The following ANKRD62 variants were observed in gnomAD, a reference collection of about 807,000 sequenced individuals.
The protein encoded by ANKRD62 is ankyrin repeat domain 62.
Under a neutral mutation model 98.8 loss-of-function variants are expected in ANKRD62, and 61 were observed. That is an observed-to-expected ratio of 0.62 (90% CI 0.50 to 0.76). The LOEUF (loss-of-function observed/expected upper bound fraction) is 0.76, where lower values mean the gene tolerates loss of function less well. Among genes scored for constraint, ANKRD62 ranks in the 30% least tolerant of loss-of-function variants. ANKRD62 has a pLI of 0.00. For missense variants in ANKRD62, 933 were observed against 1,082.9 expected, an observed-to-expected ratio of 0.86 and a Z score of 1.94; for synonymous variants, 341 against 367.9, an observed-to-expected ratio of 0.93 and a Z score of 0.84.
chr18:12,154,029 C>T, the ANKRD62 span, among the ~76,000 whole-genome samples: 1 of 152,096 alleles, frequency 6.6e-6, no homozygotes, highest in Admixed American at 6.5e-5. Context: ...GCAATACCAT[C>T]CCAGACATTG....
intron 6 of ANKRD62, among the ~76,000 whole-genome samples, chr18:12,101,018 A>G (rs1023035659): frequency 2.6e-5 from 4 of 152,206 alleles, no homozygotes; most frequent in African/African-American, 9.6e-5. Context: ...AAATACATGT[A>G]GGATAATGGT....
the ANKRD62 span, among the ~76,000 whole-genome samples, chr18:12,158,938 A>G: frequency 6.6e-6 from 1 of 152,122 alleles, no homozygotes; most frequent in African/African-American, 2.4e-5. Context: ...ATGATTTTAA[A>G]GGTAATAAGT....
At position 12,099,657 on chromosome 18, in the gene ANKRD62, T is replaced by C; in HGVS notation, c.795T>C (p.Cys265=). ...CTGAATATAAAGCAAACAAGAGATG[T>C]AAAAGTCTTCAAAATAGCAATTCAG... The part of the protein sequence containing the change: ...MISEYKANKR[C]KSLQNSNSEQ... Residue 265 remains cysteine, a synonymous_variant, in exon 6 of 14, where the codon TGT becomes TGC. Transcript: ENST00000587848. The C allele has an allele frequency of 6.7e-7, 1 of 1,493,766 alleles. No homozygotes were observed. The highest frequency in any genetic ancestry group is 8.9e-7 in the Non-Finnish European group (1 of 1,122,818). The allele number at this position is 1,493,766 out of a possible 1,614,324, so 92.5% of individuals were successfully genotyped here.
chr18:12,096,310 A>C lies in ANKRD62; in HGVS notation c.614+8A>C, dbSNP rs1219548677. On this transcript the variant is annotated splice_region_variant and intron_variant, in intron 4 of 13. Coordinates refer to ENST00000587848, the MANE Select transcript of ANKRD62 (RefSeq NM_001277333.2). ...AATAGATAATTTTGGAAGGTACAGT[A>C]GTTCTTTTTTTGTTCATTTTTAAAC... 2 of 1,483,652 alleles carry C rather than the reference A, an allele frequency of 1.3e-6. No homozygotes were observed. Among genetic ancestry groups the C allele is most frequent in the Non-Finnish European group, 1.8e-6 (2 of 1,107,386 alleles). The allele number at this position is 1,483,652 out of a possible 1,614,324, so 91.9% of individuals were successfully genotyped here.
chr18:12,094,340 G>A, intron 1 of ANKRD62, 105 bp downstream of exon 1: 1 of 225,250 alleles, frequency 4.4e-6, no homozygotes, highest in East Asian at 1.2e-4. Flanking sequence ...GCGTGGGTGG[G>A]GTGGAAGTCA....
At chr18:12,119,512 G>A (rs1395609761) in intron 10 of ANKRD62, among the ~76,000 whole-genome samples, 1 of 152,116 alleles carries the variant, frequency 6.6e-6, no homozygotes, top group Admixed American at 6.5e-5. Context: ...GATCATAGAT[G>A]TGTTCTTTTT....
At chr18:12,145,924 T>G in the ANKRD62 span, among the ~76,000 whole-genome samples, 3 of 150,802 alleles carry the variant, frequency 2.0e-5, no homozygotes, top group Non-Finnish European at 3.0e-5. Flanking sequence ...CTCTTCACTT[T>G]GTAGGACCTC....
At chr18:12,117,745 G>A (rs569080898) in intron 10 of ANKRD62, among the ~76,000 whole-genome samples, 8 of 152,222 alleles carry the variant, frequency 5.3e-5, no homozygotes, top group Admixed American at 3.3e-4. Context: ...ACTGTTTTCC[G>A]TTGTTAATCT....
the ANKRD62 span, among the ~76,000 whole-genome samples, chr18:12,162,704 CAG>C: frequency 6.6e-6 from 1 of 151,964 alleles, no homozygotes; most frequent in Admixed American, 6.6e-5. Flanking sequence ...TGGCAAGAGA[CAG>C]GGGTCTAGTT....
the ANKRD62 span, among the ~76,000 whole-genome samples, chr18:12,141,386 G>A: frequency 9.9e-5 from 15 of 152,264 alleles, no homozygotes; most frequent in South Asian, 1.0e-3. Flanking sequence ...AGATGAACCC[G>A]GTACCTCAGT....
the ANKRD62 span, among the ~76,000 whole-genome samples, chr18:12,141,640 A>AT: frequency 3.6e-4 from 44 of 120,924 alleles, no homozygotes; most frequent in African/African-American, 1.4e-3. Flanking sequence ...CATAGTCTGA[A>AT]TTCTATTTCT....
At chr18:12,104,885 A>C (rs182788695) in intron 7 of ANKRD62, among the ~76,000 whole-genome samples, 7 of 152,312 alleles carry the variant, frequency 4.6e-5, no homozygotes, top group Admixed American at 4.6e-4. Context: ...TATTTAAATG[A>C]AAATAAAGTA....
In ANKRD62 at chr18:12,115,095, A is replaced by G. The variant is rs1598735235; in HGVS notation, c.1072A>G (p.Arg358Gly). ...KENGEFDRLA[R>G]KTSNEKSKVK... ...TTTTGGTTTTTTTTTTAGGCTTGCA[A>G]GGAAAACCTCTAATGAAAAGAGCAA... is the stretch of plus-strand genomic sequence containing the variant. Residue 358 changes from arginine (R) to glycine (G), a missense_variant, in exon 9 of 14, where the codon AGG becomes GGG. Physicochemically the swap from Arg to Gly is moderately radical, Grantham distance 125. Around this residue, in one of 3 missense-constraint regions of ANKRD62, gnomAD observed 549 missense variants for 587.9 expected, o/e 0.93. Coordinates refer to ENST00000587848, the MANE Select transcript of ANKRD62 (RefSeq NM_001277333.2). 1 of 1,398,196 alleles carries G rather than the reference A, an allele frequency of 7.2e-7. No homozygotes were observed. The highest frequency in any genetic ancestry group is 9.2e-7 in the Non-Finnish European group (1 of 1,082,656). The allele number at this position is 1,398,196 out of a possible 1,614,324, so 86.6% of individuals were successfully genotyped here. A position where few individuals can be genotyped will look rare whatever the true frequency, so the allele number is the denominator to read the frequency against.
chr18:12,132,638 C>T (rs563382748), downstream of ANKRD62, among the ~76,000 whole-genome samples: 25 of 151,910 alleles, frequency 1.6e-4, no homozygotes, highest in Admixed American at 4.6e-4. Context: ...TTTGACATGT[C>T]GAGGAAATTC....
the ANKRD62 span, among the ~76,000 whole-genome samples, chr18:12,168,030 A>G: frequency 3.3e-5 from 5 of 152,106 alleles, no homozygotes; most frequent in East Asian, 9.6e-4. Context: ...GGTTCTGGAT[A>G]TTAGCCCTTT....
Position 12,095,445 on chromosome 18 carries a change from A to G in ANKRD62, c.342A>G (p.Gln114=). 1.3e-6 allele frequency: 2 copies of G among 1,571,488 alleles called. No individual in the cohort carries two copies. The highest frequency in any genetic ancestry group is 8.6e-7 in the Non-Finnish European group (1 of 1,163,472). ...ENRTALIKAV[Q]CQEEVCASIL... is the part of the protein sequence containing the mutation. ...TGGTCTAATACTGACAGGCTGTACAATGTCAAGAAGAAGTTTGTGCATCCA... is the reference window on the plus strand; with the variant it reads ...TGGTCTAATACTGACAGGCTGTACAGTGTCAAGAAGAAGTTTGTGCATCCA... The change falls in exon 3 of 14, where the codon CAA becomes CAG. Residue 114 remains glutamine, a synonymous_variant. Coordinates refer to ENST00000587848, the MANE Select transcript of ANKRD62 (RefSeq NM_001277333.2).
intron 8 of ANKRD62, among the ~76,000 whole-genome samples, chr18:12,113,620 C>T (rs1211478952): frequency 2.0e-5 from 3 of 151,566 alleles, no homozygotes; most frequent in Middle Eastern, 3.4e-3. Flanking sequence ...ACTGAGACTC[C>T]GTCTCAAAAA....
At chr18:12,095,736 C>G in intron 3 of ANKRD62, 126 bp downstream of exon 3, 1 of 884,534 alleles carries the variant, frequency 1.1e-6, no homozygotes, top group Non-Finnish European at 1.6e-6. Context: ...ATTTGCTTTA[C>G]ATACAACTAT....
the ANKRD62 span, among the ~76,000 whole-genome samples, chr18:12,158,336 G>A: frequency 1.3e-5 from 2 of 152,136 alleles, no homozygotes; most frequent in Non-Finnish European, 2.9e-5. Flanking sequence ...TGGCTGTTGT[G>A]TTCTTTCATC....
Sources: allele counts gnomAD v4.1 joint callset (sites outside exome capture counted in the v4.1 genomes callset), GRCh38; gene constraint gnomAD v4.1.1; regional missense constraint gnomAD v4.1.1; transcripts MANE v1.5; gene names NCBI Gene and HGNC (gene_info 2026-07-23, HGNC 2026-07-21).